Variants in SPAG9 observed in about 807,000 individuals in gnomAD.
SPAG9 encodes C-Jun-amino-terminal kinase-interacting protein 4.
In SPAG9, 35 loss-of-function variants were observed where a neutral mutation model predicts 166.5. The observed-to-expected ratio is 0.21, with a 90% CI of 0.16 to 0.28. The LOEUF is 0.28. Ranked by LOEUF, SPAG9 falls within the 10% of genes least tolerant of loss-of-function variation. The pLI is 1.00. For synonymous variants in SPAG9, 534 were observed against 565.5 expected (o/e 0.94, Z 0.79); for missense variants, 1,235 against 1,603.3 (o/e 0.77, Z 3.92).
At chr17:50,990,214 C>T (rs1975420728) in intron 20 of SPAG9, 1 of 529,202 alleles carries the variant, frequency 1.9e-6, no homozygotes, top group Admixed American at 3.2e-5. Context: ...CTTTTTAGTA[C>T]AGACAGGGTT....
intron 2 of SPAG9, among the ~76,000 whole-genome samples, chr17:51,076,993 T>TATCTAG (rs2047992363): frequency 4.7e-5 from 4 of 85,802 alleles, no homozygotes; most frequent in African/African-American, 1.4e-4. Flanking sequence ...TATCTAGCTA[T>TATCTAG]CTAGCTATCT....
At chr17:51,097,011 C>T (rs1024943179) in intron 1 of SPAG9, among the ~76,000 whole-genome samples, 2 of 152,242 alleles carry the variant, frequency 1.3e-5, no homozygotes, top group Non-Finnish European at 2.9e-5. Context: ...GGACTTTCAG[C>T]CCACCCCACA....
intron 9 of SPAG9, among the ~76,000 whole-genome samples, chr17:51,008,688 C>T (rs1020999658): frequency 3.3e-5 from 5 of 152,104 alleles, no homozygotes; most frequent in Non-Finnish European, 5.9e-5. Flanking sequence ...AGGGTACTTA[C>T]ACCAGAAAGA....
intron 6 of SPAG9, 63 bp downstream of exon 6, chr17:51,031,618 A>G (rs1469838392): frequency 8.9e-7 from 1 of 1,125,314 alleles, no homozygotes; most frequent in Non-Finnish European, 1.3e-6. Context: ...CAGTTGAGGA[A>G]GTAATCAATA....
intron 1 of SPAG9, among the ~76,000 whole-genome samples, chr17:51,113,327 T>C (rs975736954): frequency 7.7e-6 from 1 of 129,312 alleles, no homozygotes; most frequent in African/African-American, 3.0e-5. Context: ...CGCTCCAGCC[T>C]GGGCAACAAG....
At chr17:51,057,698 C>T (rs1397590493) in intron 2 of SPAG9, among the ~76,000 whole-genome samples, 1 of 152,134 alleles carries the variant, frequency 6.6e-6, no homozygotes, top group African/African-American at 2.4e-5. Context: ...GTTTCTAATT[C>T]AAGCTTATGT....
chr17:51,023,806 C>T (rs1032458996), intron 6 of SPAG9, among the ~76,000 whole-genome samples: 5 of 152,018 alleles, frequency 3.3e-5, no homozygotes, highest in Non-Finnish European at 7.4e-5. Flanking sequence ...CTATGATTAC[C>T]GGCGTGCGTC....
At position 51,007,281 on chromosome 17, in the gene SPAG9, A is replaced by T; in HGVS notation, c.1259T>A (p.Leu420Gln). 1 of 1,576,348 alleles carries T rather than the reference A, an allele frequency of 6.3e-7. No individual in the cohort carries two copies. The change falls in exon 10 of 30, where the codon CTG becomes CAG. Residue 420 changes from leucine (L) to glutamine (Q), a missense_variant. Physicochemically the swap from Leu to Gln is moderately radical, Grantham distance 113 (BLOSUM62 -2). Transcript: ENST00000262013. Reference protein sequence around the residue: ...VENLILENTQLLETKNALNIV... With the variant: ...VENLILENTQQLETKNALNIV... ...CACATATACTTACTTGGTTTCCAAC[A>T]GTTGTGTATTTTCTAATATAAGATT...
chr17:50,997,903 C>T (rs1257437170), intron 15 of SPAG9, among the ~76,000 whole-genome samples: 1 of 150,860 alleles, frequency 6.6e-6, no homozygotes, highest in African/African-American at 2.4e-5. Flanking sequence ...TGTTGTCATA[C>T]CAGCAAAAAT....
In SPAG9 at chr17:50,985,703, A is replaced by G; in HGVS notation, c.3015T>C (p.Ser1005=). 1 of 1,577,068 alleles carries G rather than the reference A, an allele frequency of 6.3e-7. No individual in the cohort carries two copies. The highest frequency in any genetic ancestry group is 8.7e-7 in the Non-Finnish European group (1 of 1,147,976). Residue 1005 remains serine, a synonymous_variant, in exon 23 of 30, where the codon AGT becomes AGC. Coordinates refer to ENST00000262013, the MANE Select transcript of SPAG9 (RefSeq NM_001130528.3). ...HSIKLKDSIL[S]IVHVKGIVLV... Reference sequence around the variant, plus strand: ...ATTTCCAAAATAAAACTTACACAATACTGAGAATCGAATCTTTAAGTTTAA... The same window carrying G: ...ATTTCCAAAATAAAACTTACACAATGCTGAGAATCGAATCTTTAAGTTTAA...
chr17:50,996,510 A>G, intron 16 of SPAG9, 55 bp downstream of exon 16: 1 of 1,607,552 alleles, frequency 6.2e-7, no homozygotes. Context: ...GCCCACGCAC[A>G]CTCAACTTGC....
At chr17:50,971,018 C>T (rs191803515) in intron 28 of SPAG9, among the ~76,000 whole-genome samples, 162 bp from the exon 29 acceptor site, 5 of 151,962 alleles carry the variant, frequency 3.3e-5, no homozygotes, top group African/African-American at 1.2e-4. Flanking sequence ...AAAACATTTA[C>T]ATGAAGGTTT....
chr17:50,966,475 T>C (rs994112275), intron 29 of SPAG9, 88 bp from the exon 30 acceptor site: 58 of 840,562 alleles, frequency 6.9e-5, no homozygotes, highest in Non-Finnish European at 1.0e-4. Flanking sequence ...GGTTAGTCCA[T>C]GAACAAGATG....
At chr17:51,093,070 A>T (rs772403207) in intron 1 of SPAG9, among the ~76,000 whole-genome samples, 1 of 131,802 alleles carries the variant, frequency 7.6e-6, no homozygotes, top group Non-Finnish European at 1.7e-5. Flanking sequence ...ATATTTCTGT[A>T]AAAAAAAAAA....
chr17:51,058,112 A>G (rs1453384230), intron 2 of SPAG9, among the ~76,000 whole-genome samples: 1 of 152,236 alleles, frequency 6.6e-6, no homozygotes, highest in African/African-American at 2.4e-5. Flanking sequence ...TGTGCAACAA[A>G]AACAAAAATT....
intron 4 of SPAG9, 125 bp downstream of exon 4, chr17:51,047,250 A>G: frequency 1.7e-6 from 1 of 602,756 alleles, no homozygotes; most frequent in Non-Finnish European, 2.8e-6. Flanking sequence ...CAGCATTCCA[A>G]CCACAGTGGA....
At position 50,972,533 on chromosome 17, in the gene SPAG9, T is replaced by C. The variant is rs1164064302; in HGVS notation, c.3701-1677A>G. Among the ~76,000 whole-genome samples the C allele has an allele frequency of 3.9e-5, 6 of 152,372 alleles. 1 individual carries two copies. Among genetic ancestry groups the C allele is most frequent in the Middle Eastern group, 6.8e-3 (2 of 294 alleles). The stretch of plus-strand genomic sequence containing the variant: ...AACCTTTAAATATTATTCACAACTA[T>C]GAACAAATGAGCAATCTCTAAGCCA... On this transcript the variant is annotated intron_variant, in intron 28 of 29. Transcript: ENST00000262013.
chr17:51,077,177 G>T (rs2048041100), intron 2 of SPAG9, among the ~76,000 whole-genome samples: 1 of 151,942 alleles, frequency 6.6e-6, no homozygotes, highest in African/African-American at 2.4e-5. Context: ...CAGGCCAAGT[G>T]TAGTGGTGTG....
At chr17:50,996,498 A>G in intron 16 of SPAG9, 67 bp downstream of exon 16, 2 of 1,578,766 alleles carry the variant, frequency 1.3e-6, no homozygotes, top group Admixed American at 3.4e-5. Context: ...TGAATCCTTC[A>G]TGCCCACGCA....
Sources: gnomAD v4.1 joint callset for allele counts (sites outside exome capture counted in the v4.1 genomes callset) on GRCh38, gnomAD v4.1.1 for gene constraint, MANE v1.5 for transcripts, NCBI Gene and HGNC (gene_info 2026-07-23, HGNC 2026-07-21) for gene names.